EPM2A: variants seen among roughly 807,000 people sequenced by gnomAD.
The protein encoded by EPM2A is EPM2A glucan phosphatase, laforin.
A neutral mutation model predicts 26.5 loss-of-function variants in EPM2A; 21 were observed. The observed-to-expected ratio is 0.79, with a 90% CI of 0.56 to 1.14. The LOEUF (loss-of-function observed/expected upper bound fraction) is 1.14, where lower values mean the gene tolerates loss of function less well. Among genes scored for constraint, EPM2A ranks in the 50% most tolerant of loss-of-function variants. The pLI, the probability that EPM2A is intolerant of heterozygous loss-of-function variation, is 0.00. For synonymous variants in EPM2A, 217 were observed against 177.6 expected (o/e 1.22, Z -1.76); for missense variants, 458 against 440.8 (o/e 1.04, Z -0.35).
rs920794580 is a variant in EPM2A at position 145,564,779 on chromosome 6, G to C, written c.341-62204C>G. Among the ~76,000 whole-genome samples, 178 of 151,618 alleles carry C rather than the reference G, an allele frequency of 1.2e-3. 1 individual carries two copies. Among genetic ancestry groups the C allele is most frequent in the Non-Finnish European group, 2.0e-3 (139 of 67,894 alleles). On this transcript the variant is annotated intron_variant, in intron 2 of 3. Transcript: ENST00000450221. ...AGATCTTGTGGGTATATGGTGGGGG[G>C]GGGCAGGGGGTGTGGAGGGAGCTGG...
At chr6:145,406,015 A>ACAC (rs1562322873) in intron 4 of EPM2A, among the ~76,000 whole-genome samples, 2 of 104,772 alleles carry the variant, frequency 1.9e-5, no homozygotes, top group African/African-American at 3.2e-5. Flanking sequence ...CACACACACA[A>ACAC]CAGACAGACA....
chr6:145,429,968 G>A (rs112550817), intron 4 of EPM2A, among the ~76,000 whole-genome samples: 9 of 152,072 alleles, frequency 5.9e-5, no homozygotes, highest in Admixed American at 1.3e-4. Flanking sequence ...AGGCTGAGGC[G>A]GGCAGATCAC....
intron 1 of EPM2A, among the ~76,000 whole-genome samples, chr6:145,713,578 A>G (rs1282455636): frequency 6.6e-6 from 1 of 152,218 alleles, no homozygotes; most frequent in East Asian, 1.9e-4. Context: ...AATTAAAAAT[A>G]CACAAAATAA....
chr6:145,426,475 T>G lies in EPM2A; in HGVS notation c.556-42378A>C, dbSNP rs545833025. On this transcript the variant is annotated intron_variant, in intron 4 of 4. Transcript: ENST00000638717. The stretch of plus-strand genomic sequence containing the variant: ...AGTGTAGCATATGTTATTCCAAACA[T>G]CTGAATGGATTAATTTTACTTCCAG... 2.6e-5 allele frequency among the ~76,000 whole-genome samples: 4 copies of G among 152,322 alleles called. No homozygotes were observed. The East Asian group carries it at 7.7e-4, about 29-fold the overall frequency.
At chr6:145,713,908 T>C (rs942750296) in intron 1 of EPM2A, among the ~76,000 whole-genome samples, 8 of 152,174 alleles carry the variant, frequency 5.3e-5, no homozygotes, top group African/African-American at 1.9e-4. Flanking sequence ...TAAGGGTTAA[T>C]GAAGAACTGA....
intron 2 of EPM2A, among the ~76,000 whole-genome samples, chr6:145,566,530 TC>T (rs1780886362): frequency 6.6e-6 from 1 of 152,216 alleles, no homozygotes; most frequent in Admixed American, 6.5e-5. Context: ...GTCTCAATTG[TC>T]TGCTGACTGG....
chr6:145,624,993 A>G (rs1002364550), downstream of EPM2A, among the ~76,000 whole-genome samples: 1 of 152,166 alleles, frequency 6.6e-6, no homozygotes, highest in East Asian at 1.9e-4. Flanking sequence ...TCTTCTCATG[A>G]TTGCCTTTGA....
In EPM2A at chr6:145,585,094, T is replaced by C. The variant is rs185895106; in HGVS notation, c.340+50151A>G. 1.8e-3 allele frequency among the ~76,000 whole-genome samples: 271 copies of C among 152,340 alleles called. 1 individual carries two copies. Among genetic ancestry groups the C allele is most frequent in the African/African-American group, 6.2e-3 (258 of 41,582 alleles). On this transcript the variant is annotated intron_variant, in intron 2 of 3. Transcript: ENST00000450221. ...ATATTCCAACATTCTTTTCATTCTCTAACTATAATGTACTGTTCTTCTCTG... is the reference window on the plus strand; with the variant it reads ...ATATTCCAACATTCTTTTCATTCTCCAACTATAATGTACTGTTCTTCTCTG...
chr6:145,434,658 T>G (rs1300770543), intron 4 of EPM2A, among the ~76,000 whole-genome samples: 1 of 152,172 alleles, frequency 6.6e-6, no homozygotes, highest in South Asian at 2.1e-4. Flanking sequence ...ATTTTAAAGA[T>G]GACAAATCAG....
intron 1 of EPM2A, chr6:145,734,457 T>G (rs1399176623): frequency 6.6e-6 from 1 of 152,176 alleles, no homozygotes; most frequent in Admixed American, 6.5e-5. Context: ...GTACATTTCT[T>G]TATTATTATT....
Position 145,732,240 on chromosome 6 carries a change from C to T in EPM2A, c.301+2958G>A, listed in dbSNP as rs865862438. Among the ~76,000 whole-genome samples the T allele has an allele frequency of 4.4e-3, 360 of 81,942 alleles. 5 individuals are homozygous for T. Among genetic ancestry groups the T allele is most frequent in the African/African-American group, 0.019 (336 of 17,418 alleles). The allele number at this position is 81,942 out of a possible 152,430, so 53.8% of individuals were successfully genotyped here. On this transcript the variant is annotated intron_variant, in intron 1 of 3. Transcript: ENST00000367519. ...GTGTGTGTGTGTGTGTGTGTGTGCG[C>T]GCCAAAGTAAGGAAGGGAGAGGAAT...
intron 2 of EPM2A, among the ~76,000 whole-genome samples, chr6:145,535,221 C>T (rs1292085793): frequency 6.6e-6 from 1 of 152,182 alleles, no homozygotes; most frequent in East Asian, 1.9e-4. Context: ...CCATTTGTAA[C>T]ATCTGTGTAA....
intron 4 of EPM2A, among the ~76,000 whole-genome samples, chr6:145,441,982 C>T (rs1779069034): frequency 6.6e-6 from 1 of 152,202 alleles, no homozygotes. Context: ...AATCATCTTC[C>T]TCAAGTTTAA....
At chr6:145,485,666 T>C (rs1779662195) in intron 4 of EPM2A, among the ~76,000 whole-genome samples, 1 of 152,170 alleles carries the variant, frequency 6.6e-6, no homozygotes, top group African/African-American at 2.4e-5. Flanking sequence ...AAAGGGATGT[T>C]CTGCCCTTGC....
chr6:145,526,643 C>A (rs1245027671), intron 2 of EPM2A, among the ~76,000 whole-genome samples: 1 of 151,960 alleles, frequency 6.6e-6, no homozygotes, highest in African/African-American at 2.4e-5. Context: ...GTAATGTCAT[C>A]TGTCATTTCT....
chr6:145,567,307 C>T (rs1163699271), intron 2 of EPM2A, among the ~76,000 whole-genome samples: 1 of 152,210 alleles, frequency 6.6e-6, no homozygotes, highest in Non-Finnish European at 1.5e-5. Flanking sequence ...GCTCCTCAAT[C>T]TTCCATATTT....
intron 2 of EPM2A, among the ~76,000 whole-genome samples, chr6:145,650,771 C>A (rs1014391603): frequency 1.4e-4 from 21 of 152,156 alleles, no homozygotes; most frequent in Non-Finnish European, 3.1e-4. Context: ...AGATTTTCTA[C>A]TGTGCCTCAA....
At chr6:145,414,724 T>G (rs4895674) in intron 4 of EPM2A, among the ~76,000 whole-genome samples, 55,815 of 151,774 alleles carry the variant, frequency 0.37, 11,906 homozygotes, top group East Asian at 0.66. Flanking sequence ...CCAATGTGGA[T>G]AGCAAATTCT....
rs576332194 is a variant in EPM2A, at chr6:145,568,828, C to T, written c.341-66253G>A. On this transcript the variant is annotated intron_variant, in intron 2 of 3. Transcript: ENST00000450221. The stretch of plus-strand genomic sequence containing the variant: ...CCAATAATAGGCAGTGGCAAATGCA[C>T]ATTTACATTATGCAGAAATTAGGAG... 2.0e-5 allele frequency among the ~76,000 whole-genome samples: 3 copies of T among 152,254 alleles called. No individual in the cohort carries two copies. The South Asian group carries it at 6.2e-4, about 32-fold the overall frequency.
Sources: allele counts gnomAD v4.1 joint callset (sites outside exome capture counted in the v4.1 genomes callset), GRCh38; gene constraint gnomAD v4.1.1; transcripts MANE v1.5; gene names NCBI Gene and HGNC (gene_info 2026-07-23, HGNC 2026-07-21).